MUC17: variants seen among roughly 807,000 people sequenced by gnomAD.
The protein encoded by MUC17 is mucin 17, cell surface associated.
In MUC17, 190 loss-of-function variants were observed where a neutral mutation model predicts 170.3. That is an observed-to-expected ratio of 1.12 (90% confidence interval 0.99 to 1.26). MUC17 has a LOEUF of 1.26. Among genes scored for constraint, MUC17 ranks in the 50% most tolerant of loss-of-function variants. The pLI is 0.00. For missense variants in MUC17, 6,415 were observed against 5,530.0 expected (o/e 1.16, Z -5.08); for synonymous variants, 2,325 against 2,002.5 (o/e 1.16, Z -4.30).
Position 101,040,530 on chromosome 7 carries a change from C to A in MUC17, c.9114C>A (p.Ile3038=). 2.5e-6 allele frequency: 4 copies of A among 1,612,246 alleles called. No individual in the cohort carries two copies. Among genetic ancestry groups the A allele is most frequent in the Non-Finnish European group, 3.4e-6 (4 of 1,179,276 alleles). Residue 3038 remains isoleucine, a synonymous_variant, in exon 3 of 13, where the codon ATC becomes ATA. Transcript: ENST00000306151. Reference sequence around the variant, plus strand: ...CTGCTGAAGGTACCGGCATACCAATCTCAACTCCTAGTGAAGGAAGTACTC... The same window carrying A: ...CTGCTGAAGGTACCGGCATACCAATATCAACTCCTAGTGAAGGAAGTACTC... ...PTTAEGTGIP[I]STPSEGSTPL...
In MUC17 at chr7:101,040,723, G is replaced by A. The variant is rs1445639514; in HGVS notation, c.9307G>A (p.Gly3103Arg). The change falls in exon 3 of 13, where the codon GGA becomes AGA. Residue 3103 changes from glycine to arginine, a missense_variant. Gly to Arg is a moderately radical substitution (Grantham distance 125). Coordinates refer to ENST00000306151, the MANE Select transcript of MUC17 (RefSeq NM_001040105.2). ...CATGCCAATCTCAACTTATAGTGAAGGAAGCACTCCATTAACAGGTGTGCC... is the reference window on the plus strand; with the variant it reads ...CATGCCAATCTCAACTTATAGTGAAAGAAGCACTCCATTAACAGGTGTGCC... The part of the protein sequence containing the change: ...TSMPISTYSE[G>R]STPLTGVPVS... 2 of 1,612,618 alleles carry A rather than the reference G, an allele frequency of 1.2e-6. No individual in the cohort carries two copies. The highest frequency in any genetic ancestry group is 1.7e-6 in the Non-Finnish European group (2 of 1,179,644).
In MUC17 at chr7:101,038,301, G is replaced by A; in HGVS notation, c.6885G>A (p.Glu2295=). 6.2e-7 allele frequency: 1 copy of A among 1,612,570 alleles called. No individual in the cohort carries two copies. The highest frequency in any genetic ancestry group is 8.5e-7 in the Non-Finnish European group (1 of 1,179,540). Reference sequence around the variant, plus strand: ...GCCACACGCTGGTGGCCAATTCTGAGGTTAGCACCCTTTCAACAACTCCTG... The same window carrying A: ...GCCACACGCTGGTGGCCAATTCTGAAGTTAGCACCCTTTCAACAACTCCTG... The part of the protein sequence containing the change: ...PVSHTLVANS[E]VSTLSTTPVD... The change falls in exon 3 of 13, where the codon GAG becomes GAA. Residue 2295 remains glutamate, a synonymous_variant. Transcript: ENST00000306151.
chr7:101,054,833 CA>C lies in MUC17; in HGVS notation c.13364-1353del, dbSNP rs201984213. Among the ~76,000 whole-genome samples, 381 of 151,366 alleles carry C rather than the reference CA, an allele frequency of 2.5e-3. 1 individual carries two copies. The highest frequency in any genetic ancestry group is 8.5e-3 in the African/African-American group (352 of 41,292). On this transcript the variant is annotated intron_variant, in intron 11 of 12. Transcript: ENST00000306151. ...GACCCTGTCTCTAAAACAAAACAAA[CA>C]AAAAAAATGTGGCTCATGCCTGTAA...
At position 101,041,411 on chromosome 7, in the gene MUC17, C is replaced by T. The variant is rs372447376; in HGVS notation, c.9995C>T (p.Thr3332Ile). The T allele has an allele frequency of 2.3e-5, 37 of 1,614,008 alleles. 1 individual carries two copies. The highest frequency in any genetic ancestry group is 2.7e-5 in the African/African-American group (2 of 74,896). The change falls in exon 3 of 13, where the codon ACC becomes ATC. Residue 3332 changes from threonine (T) to isoleucine (I), a missense_variant. By Grantham distance (89) the Thr-to-Ile change is moderately conservative. Transcript: ENST00000306151. Reference sequence around the variant, plus strand: ...ATTGCTGACGGTACTAGCATGCCAACCTCAACTTATAGTGAAGGAAGCACT... The same window carrying T: ...ATTGCTGACGGTACTAGCATGCCAATCTCAACTTATAGTGAAGGAAGCACT... ...PPIADGTSMP[T>I]STYSEGSTPL...
In MUC17 at chr7:101,039,060, T is replaced by C; in HGVS notation, c.7644T>C (p.Thr2548=). 1 of 1,613,356 alleles carries C rather than the reference T, an allele frequency of 6.2e-7. No individual in the cohort carries two copies. The highest frequency in any genetic ancestry group is 8.5e-7 in the Non-Finnish European group (1 of 1,179,876). ...TPVDSNSPVV[T]STEISSSATS... The stretch of plus-strand genomic sequence containing the variant: ...TTGACTCCAACAGTCCTGTGGTCAC[T>C]TCTACTGAAATCAGTTCATCTGCTA... The change falls in exon 3 of 13, where the codon ACT becomes ACC. Residue 2548 remains threonine (T), a synonymous_variant. Coordinates refer to ENST00000306151, the MANE Select transcript of MUC17 (RefSeq NM_001040105.2).
rs1462980914 is a variant in MUC17, at chr7:101,036,067, G to T, written c.4651G>T (p.Ala1551Ser). 1 of 1,612,184 alleles carries T rather than the reference G, an allele frequency of 6.2e-7. No individual in the cohort carries two copies. Among genetic ancestry groups the T allele is most frequent in the South Asian group, 1.1e-5 (1 of 90,882 alleles). Residue 1551 changes from alanine to serine, a missense_variant, in exon 3 of 13, where the codon GCC becomes TCC. Transcript: ENST00000306151. ...CACACCTGTGACCACTTATTCTCAA[G>T]CCAGTTCATCTCCTACAACTGCTGA... ...TSTPVTTYSQ[A>S]SSSPTTADGT...
intron 12 of MUC17, among the ~76,000 whole-genome samples, chr7:101,056,884 C>T (rs188434278): frequency 6.6e-4 from 101 of 152,204 alleles, no homozygotes; most frequent in Non-Finnish European, 4.0e-4. Flanking sequence ...AGATTTCACT[C>T]ACTGACTTCC....
intron 1 of MUC17, 49 bp downstream of exon 1, chr7:101,020,266 C>A (rs777498664): frequency 4.6e-6 from 7 of 1,508,254 alleles, no homozygotes; most frequent in Non-Finnish European, 6.3e-6. Flanking sequence ...ATCCCAGGGG[C>A]CAGCCTGCTC....
chr7:101,053,568 G>A (rs1034288346), intron 11 of MUC17, 132 bp downstream of exon 11: 4 of 637,868 alleles, frequency 6.3e-6, no homozygotes, highest in Non-Finnish European at 1.1e-5. Context: ...AGGAGCTCAA[G>A]ATCAGCCTGG....
Position 101,036,253 on chromosome 7 carries a change from T to C in MUC17, c.4837T>C (p.Ser1613Pro), listed in dbSNP as rs771999033. 4 of 1,612,976 alleles carry C rather than the reference T, an allele frequency of 2.5e-6. No individual in the cohort carries two copies. Among genetic ancestry groups the C allele is most frequent in the Non-Finnish European group, 2.5e-6 (3 of 1,179,740 alleles). The change falls in exon 3 of 13, where the codon TCT (serine) becomes CCT (proline). Residue 1613 changes from serine (S) to proline (P), a missense_variant. Transcript: ENST00000306151. ...QVTASTEASS[S>P]TTAEGSSMTI... ...GACCGCTTCTACTGAAGCCAGTTCA[T>C]CTACAACCGCTGAAGGTAGCAGCAT...
In MUC17 at chr7:101,043,025, G is replaced by A; in HGVS notation, c.11609G>A (p.Ser3870Asn). 6.2e-7 allele frequency: 1 copy of A among 1,614,128 alleles called. No individual in the cohort carries two copies. Among genetic ancestry groups the A allele is most frequent in the Non-Finnish European group, 8.5e-7 (1 of 1,180,024 alleles). Reference protein sequence around the residue: ...EVTTIRISITSERSTPLTTLL... With the variant: ...EVTTIRISITNERSTPLTTLL... The stretch of plus-strand genomic sequence containing the variant: ...ACTACCATACGTATTTCAATTACCA[G>A]TGAAAGAAGCACTCCATTAACAACT... The change falls in exon 3 of 13, where the codon AGT (serine) becomes AAT (asparagine). Residue 3870 changes from serine to asparagine, a missense_variant. Ser to Asn is a conservative substitution (Grantham distance 46). Transcript: ENST00000306151.
At position 101,035,375 on chromosome 7, in the gene MUC17, C is replaced by T. The variant is rs1222635218; in HGVS notation, c.3959C>T (p.Thr1320Ile). 54 of 1,611,176 alleles carry T rather than the reference C, an allele frequency of 3.4e-5. No individual in the cohort carries two copies. Among genetic ancestry groups the T allele is most frequent in the Non-Finnish European group, 4.5e-5 (53 of 1,178,300 alleles). Residue 1320 changes from threonine (T) to isoleucine (I), a missense_variant, in exon 3 of 13, where the codon ACA (threonine) becomes ATA (isoleucine). Transcript: ENST00000306151. ...VTSNEVSSSP[T>I]PAEGTSMPTS... is the part of the protein sequence containing the mutation. ...TCTAATGAAGTCAGTTCATCTCCTA[C>T]ACCTGCTGAAGGTACCAGCATGCCA...
Position 101,037,847 on chromosome 7 carries a change from T to G in MUC17, c.6431T>G (p.Ile2144Arg). 1 of 1,612,140 alleles carries G rather than the reference T, an allele frequency of 6.2e-7. No individual in the cohort carries two copies. Among genetic ancestry groups the G allele is most frequent in the Non-Finnish European group, 8.5e-7 (1 of 1,179,464 alleles). ...TCTACTGAAGTCAGTTCATCTCCTA[T>G]ACCTACTGAAGGTACCAGCATGCAA... Reference protein sequence around the residue: ...ITSTEVSSSPIPTEGTSMQTS... With the variant: ...ITSTEVSSSPRPTEGTSMQTS... The change falls in exon 3 of 13, where the codon ATA becomes AGA. Residue 2144 changes from isoleucine (I) to arginine (R), a missense_variant. Coordinates refer to ENST00000306151, the MANE Select transcript of MUC17 (RefSeq NM_001040105.2).
rs1298211249 is a variant in MUC17 at position 101,058,613 on chromosome 7, A to C, written c.*569A>C. 1 of 152,266 alleles carries C rather than the reference A, an allele frequency of 6.6e-6. No homozygotes were observed. The highest frequency in any genetic ancestry group is 1.5e-5 in the Non-Finnish European group (1 of 68,106). 9.4% of individuals were successfully genotyped at this position (152,266 alleles called of 1,614,324 possible). The stretch of plus-strand genomic sequence containing the variant: ...ACAGCGCCCTCGACCCGCTGTTTAC[A>C]ACCATGACCCCTTGGACACTGGACT... On this transcript the variant is annotated 3_prime_UTR_variant, in exon 13 of 13. Coordinates refer to ENST00000306151, the MANE Select transcript of MUC17 (RefSeq NM_001040105.2).
At chr7:101,054,982 C>T (rs1200803138) in intron 11 of MUC17, among the ~76,000 whole-genome samples, 1 of 152,058 alleles carries the variant, frequency 6.6e-6, no homozygotes, top group Non-Finnish European at 1.5e-5. Context: ...GTGGCATGTG[C>T]CTGTAATCCC....
chr7:101,042,101 A>C lies in MUC17; in HGVS notation c.10685A>C (p.Gln3562Pro). 6.2e-7 allele frequency: 1 copy of C among 1,614,142 alleles called. No individual in the cohort carries two copies. Residue 3562 changes from glutamine (Q) to proline (P), a missense_variant, in exon 3 of 13, where the codon CAG (glutamine) becomes CCG (proline). Gln to Pro is a moderately conservative substitution (Grantham distance 76). Transcript: ENST00000306151. ...SQASSSPATL[Q>P]VTTMRMSTPS... is the part of the protein sequence containing the mutation. ...GCCAGTTCATCTCCAGCAACTCTTC[A>C]GGTCACCACTATGCGTATGTCTACT...
Position 101,035,243 on chromosome 7 carries a change from G to C in MUC17, c.3827G>C (p.Gly1276Ala), listed in dbSNP as rs748836423. 5 of 1,609,400 alleles carry C rather than the reference G, an allele frequency of 3.1e-6. No homozygotes were observed. The highest frequency in any genetic ancestry group is 4.2e-6 in the Non-Finnish European group (5 of 1,176,730). The change falls in exon 3 of 13, where the codon GGA becomes GCA. Residue 1276 changes from glycine (G) to alanine (A), a missense_variant. Gly to Ala is a moderately conservative substitution (Grantham distance 60, BLOSUM62 0). Coordinates refer to ENST00000306151, the MANE Select transcript of MUC17 (RefSeq NM_001040105.2). Reference sequence around the variant, plus strand: ...TTGCCAACCTCAACTACTAGTGAAGGAAGTACTCTATTAACAAGTATACCT... The same window carrying C: ...TTGCCAACCTCAACTACTAGTGAAGCAAGTACTCTATTAACAAGTATACCT... ...TSLPTSTTSE[G>A]STLLTSIPVS... is the part of the protein sequence containing the mutation.
Position 101,042,361 on chromosome 7 carries a change from A to C in MUC17, c.10945A>C (p.Ile3649Leu), listed in dbSNP as rs1422734154. ...GCCTGTCAGCACCACATCGGTGACC[A>C]TTTCTGAGGCTGGCACAGCTTCAAC... ...IMPVSTTSVT[I>L]SEAGTASTLP... Residue 3649 changes from isoleucine to leucine, a missense_variant, in exon 3 of 13, where the codon ATT becomes CTT. Physicochemically the swap from Ile to Leu is conservative, Grantham distance 5. Transcript: ENST00000306151. The C allele has an allele frequency of 6.2e-7, 1 of 1,614,124 alleles. No individual in the cohort carries two copies. Among genetic ancestry groups the C allele is most frequent in the Non-Finnish European group, 8.5e-7 (1 of 1,179,976 alleles).
chr7:101,057,333 CAT>C (rs1484710922), intron 12 of MUC17, among the ~76,000 whole-genome samples: 2 of 152,214 alleles, frequency 1.3e-5, no homozygotes. Context: ...GCTCCCTTGA[CAT>C]AGCCCTTTGG....
Sources: gnomAD v4.1 joint callset for allele counts (sites outside exome capture counted in the v4.1 genomes callset) on GRCh38, gnomAD v4.1.1 for gene constraint, MANE v1.5 for transcripts, NCBI Gene and HGNC (gene_info 2026-07-23, HGNC 2026-07-21) for gene names.